Variants in UST observed in about 807,000 individuals in gnomAD.
The protein encoded by UST is chondroitin sulfate 2-O-sulfotransferase.
Under a neutral mutation model 45.6 loss-of-function variants are expected in UST, and 21 were observed. That is an observed-to-expected ratio of 0.46 (90% CI 0.33 to 0.66). The LOEUF is 0.66. Ranked by LOEUF, UST falls within the 30% of genes least tolerant of loss-of-function variation. The pLI is 0.02. For synonymous variants in UST, 215 were observed against 200.6 expected, an observed-to-expected ratio of 1.07 and a Z score of -0.61; for missense variants, 463 against 512.4, an observed-to-expected ratio of 0.90 and a Z score of 0.93.
chr6:149,055,657 A>G (rs960365316), intron 7 of UST, among the ~76,000 whole-genome samples: 1 of 152,106 alleles, frequency 6.6e-6, no homozygotes, highest in Non-Finnish European at 1.5e-5. Flanking sequence ...ACCTGCTTCT[A>G]ATTCACATAA....
chr6:148,953,268 A>G (rs539508250), intron 3 of UST, among the ~76,000 whole-genome samples: 1 of 152,370 alleles, frequency 6.6e-6, no homozygotes, highest in African/African-American at 2.4e-5. Context: ...AGGAAGGGAT[A>G]GAAGGCATTC....
At chr6:149,038,135 G>C (rs558520704) in intron 7 of UST, among the ~76,000 whole-genome samples, 1 of 152,082 alleles carries the variant, frequency 6.6e-6, no homozygotes, top group South Asian at 2.1e-4. Context: ...CGCTTTTACA[G>C]TTAGCAAAGT....
chr6:148,944,730 T>C (rs539893310), intron 3 of UST, among the ~76,000 whole-genome samples: 99 of 152,338 alleles, frequency 6.5e-4, no homozygotes, highest in African/African-American at 2.3e-3. Context: ...CAGCAGAGCA[T>C]GGGCAATGGC....
intron 1 of UST, among the ~76,000 whole-genome samples, chr6:148,780,432 C>G (rs980565951): frequency 6.6e-6 from 1 of 152,112 alleles, no homozygotes; most frequent in Non-Finnish European, 1.5e-5. Context: ...TCTCTCCCTC[C>G]TCCCACTCCC....
intron 2 of UST, among the ~76,000 whole-genome samples, chr6:148,927,085 A>C (rs182773091): frequency 1.7e-4 from 26 of 152,250 alleles, no homozygotes; most frequent in African/African-American, 5.8e-4. Flanking sequence ...GTAAGAATTC[A>C]TCCATCATTC....
intron 2 of UST, among the ~76,000 whole-genome samples, chr6:148,927,158 CAAAG>C (rs770435095): frequency 6.9e-6 from 1 of 145,886 alleles, no homozygotes; most frequent in Non-Finnish European, 1.5e-5. Flanking sequence ...GAGAACAAAA[CAAAG>C]AGAGAGTGAG....
intron 2 of UST, 70 bp downstream of exon 2, chr6:148,887,099 C>T (rs1472751329): frequency 8.5e-7 from 1 of 1,179,654 alleles, no homozygotes; most frequent in African/African-American, 1.5e-5. Context: ...ACAAGCAGAA[C>T]AGATCTCTCC....
intron 7 of UST, among the ~76,000 whole-genome samples, chr6:149,025,187 A>C (rs956065167): frequency 6.6e-6 from 1 of 152,250 alleles, no homozygotes; most frequent in Non-Finnish European, 1.5e-5. Flanking sequence ...CCATTTAGAC[A>C]GGTTAATAAC....
At chr6:148,947,213 T>A (rs1030542540) in intron 3 of UST, among the ~76,000 whole-genome samples, 13 of 152,180 alleles carry the variant, frequency 8.5e-5, no homozygotes, top group African/African-American at 2.7e-4. Context: ...GCAATTTTTT[T>A]AAATTTTTGC....
chr6:148,795,634 C>T (rs1378953488), intron 1 of UST, among the ~76,000 whole-genome samples: 1 of 152,136 alleles, frequency 6.6e-6, no homozygotes, highest in Non-Finnish European at 1.5e-5. Context: ...GGTAGAATAG[C>T]TTCTTCCATT....
intron 5 of UST, among the ~76,000 whole-genome samples, chr6:148,985,292 G>A (rs2114985581): frequency 6.6e-6 from 1 of 152,280 alleles, no homozygotes; most frequent in Admixed American, 6.5e-5. Context: ...ATCTGCTGAA[G>A]TTGTTGAATT....
At chr6:148,759,602 T>A (rs1776168074) in intron 1 of UST, among the ~76,000 whole-genome samples, 1 of 145,832 alleles carries the variant, frequency 6.9e-6, no homozygotes, top group Admixed American at 6.8e-5. Flanking sequence ...TAATCCCAGC[T>A]CCCTGGGAGG....
rs7776368 is a variant in UST, at chr6:149,071,062, G to A, written c.938-2771G>A. ...ATTACAGGCATGAGCCACCATACCCGGCTCTTTTAGTTATTTTTAAATGTA... is the reference window on the plus strand; with the variant it reads ...ATTACAGGCATGAGCCACCATACCCAGCTCTTTTAGTTATTTTTAAATGTA... On this transcript the variant is annotated intron_variant, in intron 7 of 7. Coordinates refer to ENST00000367463, the MANE Select transcript of UST (RefSeq NM_005715.3). 6.9e-3 allele frequency among the ~76,000 whole-genome samples: 1,049 copies of A among 152,234 alleles called. 14 individuals carry two copies. The highest frequency in any genetic ancestry group is 0.024 in the African/African-American group (993 of 41,546).
At chr6:148,960,348 A>G (rs1404700002) in intron 4 of UST, among the ~76,000 whole-genome samples, 1 of 152,254 alleles carries the variant, frequency 6.6e-6, no homozygotes, top group African/African-American at 2.4e-5. Flanking sequence ...TCTGCCCCCA[A>G]AAGGTCCTGT....
rs747844853 is a variant in UST, at chr6:148,747,672, A to G, written c.242A>G (p.Tyr81Cys). The change falls in exon 1 of 8, where the codon TAC becomes TGC. Residue 81 changes from tyrosine to cysteine, a missense_variant. By Grantham distance (194) the Tyr-to-Cys change is radical (BLOSUM62 -2). Coordinates refer to ENST00000367463, the MANE Select transcript of UST (RefSeq NM_005715.3). ...CGCTTCCTGCTCGACCTGCGGCAGTACTTGGGTAAGGAAGCTGGGCAGGCG... is the reference window on the plus strand; with the variant it reads ...CGCTTCCTGCTCGACCTGCGGCAGTGCTTGGGTAAGGAAGCTGGGCAGGCG... The part of the protein sequence containing the change: ...PPRFLLDLRQ[Y>C]LGNSTYLDDH... 3.1e-6 allele frequency: 5 copies of G among 1,598,646 alleles called. No individual in the cohort carries two copies. The highest frequency in any genetic ancestry group is 3.4e-6 in the Non-Finnish European group (4 of 1,174,038).
At chr6:148,962,536 C>T (rs1780683627) in intron 4 of UST, among the ~76,000 whole-genome samples, 1 of 152,202 alleles carries the variant, frequency 6.6e-6, no homozygotes, top group Non-Finnish European at 1.5e-5. Flanking sequence ...AGATATGAAA[C>T]CCAATTTAAT....
chr6:148,937,729 G>A (rs1780049791), intron 2 of UST, among the ~76,000 whole-genome samples: 1 of 152,142 alleles, frequency 6.6e-6, no homozygotes. Context: ...CATTAATTCA[G>A]ATGTAACACA....
intron 2 of UST, among the ~76,000 whole-genome samples, chr6:148,918,813 T>C (rs1779642258): frequency 6.6e-6 from 1 of 152,192 alleles, no homozygotes; most frequent in African/African-American, 2.4e-5. Context: ...CTTATTCTTT[T>C]TATTGTTAAA....
intron 1 of UST, among the ~76,000 whole-genome samples, chr6:148,839,576 G>A (rs554097062): frequency 6.6e-6 from 1 of 152,266 alleles, no homozygotes; most frequent in South Asian, 2.1e-4. Flanking sequence ...TTTCTAAGAG[G>A]TGACGTTGAT....
Sources: gnomAD v4.1 joint callset for allele counts (sites outside exome capture counted in the v4.1 genomes callset) on GRCh38, gnomAD v4.1.1 for gene constraint, MANE v1.5 for transcripts, NCBI Gene and HGNC (gene_info 2026-07-23, HGNC 2026-07-21) for gene names.